GALNT13: variants seen among roughly 807,000 people sequenced by gnomAD.
GALNT13 encodes the protein UDP-GalNAc:polypeptide N-acetylgalactosaminyltransferase 13.
GALNT13 carries 28 observed loss-of-function variants against 64.2 expected under a neutral mutation model. That is an observed-to-expected ratio of 0.44 (90% CI 0.32 to 0.60). The LOEUF (loss-of-function observed/expected upper bound fraction) is 0.60. GALNT13 is among the 20% of genes least tolerant of loss of function. GALNT13 has a pLI of 0.05. For missense variants in GALNT13, 577 were observed against 669.8 expected, an observed-to-expected ratio of 0.86 and a Z score of 1.53; for synonymous variants, 214 against 224.6, an observed-to-expected ratio of 0.95 and a Z score of 0.42.
the GALNT13 span, among the ~76,000 whole-genome samples, chr2:153,489,358 G>C: frequency 6.6e-6 from 1 of 152,046 alleles, no homozygotes; most frequent in East Asian, 1.9e-4. Flanking sequence ...ATATTACCCA[G>C]TCTGTGGTAT....
the GALNT13 span, among the ~76,000 whole-genome samples, chr2:153,399,745 G>A: frequency 6.6e-6 from 1 of 152,152 alleles, no homozygotes; most frequent in Non-Finnish European, 1.5e-5. Flanking sequence ...TGGTGTATAA[G>A]AATGCTTGTG....
chr2:153,894,434 G>T (rs1009863383), intron 1 of GALNT13, among the ~76,000 whole-genome samples: 1 of 152,036 alleles, frequency 6.6e-6, no homozygotes, highest in African/African-American at 2.4e-5. Flanking sequence ...TATTGGTTGT[G>T]TACAAATCAG....
At chr2:153,257,945 C>T in the GALNT13 span, among the ~76,000 whole-genome samples, 2 of 152,140 alleles carry the variant, frequency 1.3e-5, no homozygotes, top group Non-Finnish European at 2.9e-5. Flanking sequence ...ATACCATTCC[C>T]TGTACAAGGT....
At chr2:154,356,641 A>G (rs1696766141) in intron 9 of GALNT13, among the ~76,000 whole-genome samples, 1 of 151,448 alleles carries the variant, frequency 6.6e-6, no homozygotes, top group South Asian at 2.1e-4. Flanking sequence ...TATGTCCAAT[A>G]TATTCTACTT....
the GALNT13 span, among the ~76,000 whole-genome samples, chr2:153,639,279 A>G: frequency 6.6e-6 from 1 of 152,168 alleles, no homozygotes; most frequent in Non-Finnish European, 1.5e-5. Flanking sequence ...GTTAAAGAAC[A>G]AAATGGGTGG....
At chr2:153,610,018 G>T in the GALNT13 span, among the ~76,000 whole-genome samples, 3,089 of 152,234 alleles carry the variant, frequency 0.02, 50 homozygotes, top group Middle Eastern at 0.041. Context: ...GTGTGCTAGA[G>T]CTAGAAGTGT....
chr2:153,253,830 T>A, the GALNT13 span, among the ~76,000 whole-genome samples: 1 of 152,026 alleles, frequency 6.6e-6, no homozygotes, highest in Non-Finnish European at 1.5e-5. Context: ...CACTTGATCA[T>A]GGTGGATAAG....
the GALNT13 span, among the ~76,000 whole-genome samples, chr2:153,116,784 G>A: frequency 7.0e-6 from 1 of 143,764 alleles, no homozygotes; most frequent in Non-Finnish European, 1.5e-5. Flanking sequence ...AGAGATAGGT[G>A]TGTTGTCTTC....
chr2:153,912,873 C>A, intron 2 of GALNT13, among the ~76,000 whole-genome samples: 1 of 152,182 alleles, frequency 6.6e-6, no homozygotes, highest in Non-Finnish European at 1.5e-5. Flanking sequence ...GCAGTGGAAT[C>A]TATCCTCATT....
intron 3 of GALNT13, among the ~76,000 whole-genome samples, chr2:154,049,336 T>G (rs984683610): frequency 1.9e-4 from 28 of 148,992 alleles, no homozygotes; most frequent in African/African-American, 6.8e-4. Context: ...TATAATTATA[T>G]GTGTGTGTAT....
At chr2:153,334,723 G>A in the GALNT13 span, among the ~76,000 whole-genome samples, 1 of 152,100 alleles carries the variant, frequency 6.6e-6, no homozygotes, top group Non-Finnish European at 1.5e-5. Flanking sequence ...TTATAAAAAT[G>A]TGATAGTCTG....
chr2:153,524,965 C>A, the GALNT13 span, among the ~76,000 whole-genome samples: 3 of 152,156 alleles, frequency 2.0e-5, no homozygotes, highest in Non-Finnish European at 4.4e-5. Context: ...GCAGGCTATA[C>A]AGCTCACAGC....
intron 1 of GALNT13, among the ~76,000 whole-genome samples, chr2:153,876,705 T>A (rs1686406215): frequency 6.6e-6 from 1 of 152,192 alleles, no homozygotes; most frequent in South Asian, 2.1e-4. Flanking sequence ...TCTGTGTGAT[T>A]CTGATTACTG....
chr2:153,447,898 C>G, the GALNT13 span, among the ~76,000 whole-genome samples: 5 of 152,232 alleles, frequency 3.3e-5, no homozygotes, highest in African/African-American at 1.2e-4. Context: ...AATGGCAAGG[C>G]AGTGTTCTAG....
At chr2:153,167,961 T>A in the GALNT13 span, among the ~76,000 whole-genome samples, 9 of 152,194 alleles carry the variant, frequency 5.9e-5, no homozygotes, top group Admixed American at 5.9e-4. Flanking sequence ...AAGTCCTAAC[T>A]GGTATAAACA....
chr2:153,993,196 T>C (rs1022079575), intron 3 of GALNT13, among the ~76,000 whole-genome samples: 2 of 152,140 alleles, frequency 1.3e-5, no homozygotes, highest in African/African-American at 4.8e-5. Context: ...ACAACTATTG[T>C]ATATATTAAG....
the GALNT13 span, among the ~76,000 whole-genome samples, chr2:153,734,119 A>G: frequency 1.3e-5 from 2 of 152,110 alleles, no homozygotes; most frequent in East Asian, 1.9e-4. Flanking sequence ...ATGCAACTCA[A>G]TTAAGTTTTC....
intron 9 of GALNT13, among the ~76,000 whole-genome samples, chr2:154,345,665 G>A (rs1416690313): frequency 2.0e-5 from 3 of 151,990 alleles, no homozygotes; most frequent in Non-Finnish European, 4.4e-5. Flanking sequence ...AGGAATGTTT[G>A]AGTGACACAA....
At chr2:154,210,006 C>T (rs1687677345) in intron 4 of GALNT13, among the ~76,000 whole-genome samples, 1 of 152,070 alleles carries the variant, frequency 6.6e-6, no homozygotes, top group South Asian at 2.1e-4. Flanking sequence ...TCCCCTTTTC[C>T]ACCACCTCTC....
Sources: gnomAD v4.1 joint callset for allele counts (sites outside exome capture counted in the v4.1 genomes callset) on GRCh38, gnomAD v4.1.1 for gene constraint, MANE v1.5 for transcripts, NCBI Gene and HGNC (gene_info 2026-07-23, HGNC 2026-07-21) for gene names.